ERG: variants seen among roughly 807,000 people sequenced by gnomAD.
ERG encodes transcriptional regulator ERG.
ERG carries 9 observed loss-of-function variants against 55.3 expected under a neutral mutation model. The ratio of observed to expected loss-of-function variants is 0.16; its 90% CI spans 0.10 to 0.28. ERG has a LOEUF of 0.28. Among genes scored for constraint, ERG ranks in the 10% least tolerant of loss-of-function variants. The probability of loss-of-function intolerance (pLI) is 1.00; values close to 1 mark genes in which losing one functional copy is unlikely to be tolerated. For missense variants in ERG, 434 were observed against 631.6 expected, an observed-to-expected ratio of 0.69 and a Z score of 3.35; for synonymous variants, 223 against 237.3, an observed-to-expected ratio of 0.94 and a Z score of 0.55.
intron 1 of ERG, among the ~76,000 whole-genome samples, chr21:38,491,629 G>A (rs1568849925): frequency 1.3e-5 from 2 of 152,192 alleles, no homozygotes. Flanking sequence ...TTTTCAAAAT[G>A]TCTCTGTACT....
intron 2 of ERG, among the ~76,000 whole-genome samples, chr21:38,433,806 A>G (rs1253215381): frequency 6.6e-6 from 1 of 152,232 alleles, no homozygotes; most frequent in Non-Finnish European, 1.5e-5. Context: ...AAGGCAAGTC[A>G]GAATGTAATT....
chr21:38,655,938 T>C (rs1442868326), intron 1 of ERG, among the ~76,000 whole-genome samples: 1 of 152,184 alleles, frequency 6.6e-6, no homozygotes, highest in East Asian at 1.9e-4. Flanking sequence ...AGAATCTGCC[T>C]GCCTTGGAAA....
rs181740068 is a variant in ERG, at chr21:38,435,271, A to C, written c.236+10133T>G. Among the ~76,000 whole-genome samples, 35 of 152,280 alleles carry C rather than the reference A, an allele frequency of 2.3e-4. No individual in the cohort carries two copies. The East Asian group carries it at 6.4e-3, about 28-fold the overall frequency. On this transcript the variant is annotated intron_variant, in intron 2 of 9. Transcript: ENST00000288319. ...CTGAGCAAGCTCCTAATCAAGTTTC[A>C]TAGTGTGAATCGAGGTCAGTCACCA...
At chr21:38,529,411 G>C (rs2059655779) in intron 2 of ERG, among the ~76,000 whole-genome samples, 1 of 152,154 alleles carries the variant, frequency 6.6e-6, no homozygotes, top group Admixed American at 6.5e-5. Flanking sequence ...GGAGCCTACA[G>C]AACTTGTTGG....
intron 1 of ERG, among the ~76,000 whole-genome samples, chr21:38,466,479 T>C (rs1452638283): frequency 2.0e-5 from 3 of 152,148 alleles, no homozygotes; most frequent in Admixed American, 2.0e-4. Flanking sequence ...TTGTTTCACA[T>C]TTGCAGGAGT....
chr21:38,465,485 A>G (rs112901371), intron 1 of ERG, among the ~76,000 whole-genome samples: 3 of 152,316 alleles, frequency 2.0e-5, no homozygotes, highest in African/African-American at 7.2e-5. Context: ...GGATACATGT[A>G]AATATACATT....
chr21:38,367,515 A>G, the ERG span: 1 of 440,272 alleles, frequency 2.3e-6, no homozygotes, highest in South Asian at 2.0e-5. Context: ...AGTCTTCATG[A>G]CATGGCAGTC....
At chr21:38,559,797 C>T (rs1286634703) in intron 2 of ERG, among the ~76,000 whole-genome samples, 1 of 152,304 alleles carries the variant, frequency 6.6e-6, no homozygotes, top group East Asian at 1.9e-4. Flanking sequence ...TTTCCTGCCT[C>T]AGTCTCCCAA....
chr21:38,435,265 A>C (rs1477362201), intron 2 of ERG, among the ~76,000 whole-genome samples: 5 of 152,188 alleles, frequency 3.3e-5, no homozygotes, highest in Non-Finnish European at 7.3e-5. Flanking sequence ...CTCCTAATCA[A>C]GTTTCATAGT....
chr21:38,585,175 C>T (rs954114339), upstream of ERG, among the ~76,000 whole-genome samples: 1 of 152,168 alleles, frequency 6.6e-6, no homozygotes, highest in African/African-American at 2.4e-5. Context: ...CAAGGCCAAG[C>T]CTAACTGGCA....
intron 2 of ERG, among the ~76,000 whole-genome samples, chr21:38,518,930 A>C (rs2059573659): frequency 1.3e-5 from 2 of 152,210 alleles, no homozygotes; most frequent in African/African-American, 4.8e-5. Flanking sequence ...AAGAACCCCC[A>C]TCAATCAATA....
intron 1 of ERG, among the ~76,000 whole-genome samples, chr21:38,465,900 T>C (rs147790014): frequency 6.6e-6 from 1 of 152,250 alleles, no homozygotes; most frequent in Non-Finnish European, 1.5e-5. Context: ...GGAGATGAGA[T>C]GGCCCTCCCT....
At chr21:38,447,465 C>T (rs951463329) in intron 1 of ERG, among the ~76,000 whole-genome samples, 1 of 149,844 alleles carries the variant, frequency 6.7e-6, no homozygotes, top group African/African-American at 2.5e-5. Context: ...ACAGCAAAAT[C>T]AAACTCATCA....
At chr21:38,604,145 T>A (rs1164829310) in intron 1 of ERG, among the ~76,000 whole-genome samples, 2 of 151,312 alleles carry the variant, frequency 1.3e-5, no homozygotes, top group Non-Finnish European at 2.9e-5. Context: ...TCCCAGCTAT[T>A]CGGGAGGCTG....
upstream of ERG, among the ~76,000 whole-genome samples, chr21:38,585,532 C>CTTTTTTTTTTTTTTTTTTTTTTTTTTT (rs760791568): frequency 5.1e-4 from 30 of 59,272 alleles, 10 homozygotes; most frequent in Non-Finnish European, 8.5e-4. Context: ...TCTCTCTCTT[C>CTTTTTTTTTTTTTTTTTTTTTTTTTTT]TTTTTTTTTT....
At chr21:38,384,569 A>G (rs981127410) in intron 9 of ERG, among the ~76,000 whole-genome samples, 1 of 151,678 alleles carries the variant, frequency 6.6e-6, no homozygotes, top group African/African-American at 2.4e-5. Flanking sequence ...TGAAAGAGCT[A>G]TATATTTTTT....
intron 2 of ERG, among the ~76,000 whole-genome samples, chr21:38,534,989 C>T (rs2059699045): frequency 6.6e-6 from 1 of 151,954 alleles, no homozygotes; most frequent in Non-Finnish European, 1.5e-5. Context: ...GGGACATGTG[C>T]AGGATGTGCA....
the ERG span, among the ~76,000 whole-genome samples, chr21:38,374,048 C>T: frequency 5.3e-5 from 8 of 152,146 alleles, no homozygotes; most frequent in South Asian, 2.1e-4. Context: ...ATAATCTCTA[C>T]CCAAGGAAGA....
intron 3 of ERG, among the ~76,000 whole-genome samples, chr21:38,416,646 G>T (rs1011054288): frequency 1.3e-5 from 2 of 152,166 alleles, no homozygotes; most frequent in Non-Finnish European, 2.9e-5. Context: ...CAAATCCTTT[G>T]CAGAATATCC....
Sources: gnomAD v4.1 joint callset for allele counts (sites outside exome capture counted in the v4.1 genomes callset) on GRCh38, gnomAD v4.1.1 for gene constraint, MANE v1.5 for transcripts, NCBI Gene and HGNC (gene_info 2026-07-23, HGNC 2026-07-21) for gene names.